Variants in CALD1 observed in about 807,000 individuals in gnomAD.
CALD1 encodes caldesmon 1.
Under a neutral mutation model 99.9 loss-of-function variants are expected in CALD1, and 33 were observed. That is an observed-to-expected ratio of 0.33 (90% CI 0.25 to 0.44). CALD1 has a LOEUF of 0.44. CALD1 is among the 20% of genes least tolerant of loss of function. CALD1 has a pLI of 1.00. For synonymous variants in CALD1, 310 were observed against 325.0 expected, an observed-to-expected ratio of 0.95 and a Z score of 0.50; for missense variants, 861 against 962.1, an observed-to-expected ratio of 0.89 and a Z score of 1.39.
upstream of CALD1, among the ~76,000 whole-genome samples, chr7:134,774,876 AT>A (rs1012401466): frequency 6.6e-6 from 1 of 152,092 alleles, no homozygotes; most frequent in East Asian, 1.9e-4. Context: ...TTTATTTATG[AT>A]TTTTTTATTG....
At position 134,935,760 on chromosome 7, in the gene CALD1, G is replaced by C. The variant is rs1338705869; in HGVS notation, c.1381G>C (p.Glu461Gln). 3.8e-6 allele frequency: 6 copies of C among 1,590,502 alleles called. No homozygotes were observed. The South Asian group carries it at 7.0e-5, about 18-fold the overall frequency. ...LQEDKPTFKK[E>Q]EIKDEKIKKD... ...AGAAGACAAGCCTACCTTCAAAAAA[G>C]AAGAGGTAAATATGATTGAAAAGTA... Residue 461 changes from glutamate to glutamine, a missense_variant, in exon 6 of 15, where the codon GAA (glutamate) becomes CAA (glutamine). Transcript: ENST00000361675.
chr7:134,753,321 C>T (rs1385079273), intron 1 of CALD1, among the ~76,000 whole-genome samples: 2 of 152,114 alleles, frequency 1.3e-5, no homozygotes, highest in Non-Finnish European at 2.9e-5. Context: ...GGTGTATCAT[C>T]TCATCTGCTA....
At chr7:134,781,784 C>T (rs1477585417) in intron 1 of CALD1, among the ~76,000 whole-genome samples, 1 of 152,154 alleles carries the variant, frequency 6.6e-6, no homozygotes, top group Non-Finnish European at 1.5e-5. Context: ...TCATTCCAGT[C>T]AAAAGATTGC....
At chr7:134,741,452 G>A (rs932374728), upstream of CALD1, among the ~76,000 whole-genome samples, 2 of 152,096 alleles carry the variant, frequency 1.3e-5, no homozygotes, top group African/African-American at 4.8e-5. Context: ...TGAGATTTGG[G>A]TGGGGACACA....
At chr7:134,868,033 G>T in intron 3 of CALD1, 1 of 322,550 alleles carries the variant, frequency 3.1e-6, no homozygotes. Context: ...ATTGATAACT[G>T]CATATTGATA....
the CALD1 span, among the ~76,000 whole-genome samples, chr7:134,737,478 C>G: frequency 6.6e-6 from 1 of 152,042 alleles, no homozygotes; most frequent in African/African-American, 2.4e-5. Context: ...TCTACACTTT[C>G]TATTTAGTTC....
intron 1 of CALD1, among the ~76,000 whole-genome samples, chr7:134,780,522 G>C (rs368127468): frequency 1.5e-4 from 23 of 152,230 alleles, no homozygotes; most frequent in African/African-American, 5.5e-4. Flanking sequence ...AGTGTGTCTA[G>C]AGAATCTAAA....
At chr7:134,738,987 G>A in the CALD1 span, among the ~76,000 whole-genome samples, 2 of 152,128 alleles carry the variant, frequency 1.3e-5, no homozygotes, top group Non-Finnish European at 2.9e-5. Flanking sequence ...ATTTATTTTA[G>A]GATTCGTTGT....
chr7:134,778,121 T>C (rs1490843552), upstream of CALD1, among the ~76,000 whole-genome samples: 1 of 152,216 alleles, frequency 6.6e-6, no homozygotes, highest in Admixed American at 6.5e-5. Context: ...GCCTCAGCTA[T>C]AGTTTTTTGG....
At chr7:134,859,793 A>G (rs1800483315) in intron 2 of CALD1, among the ~76,000 whole-genome samples, 1 of 152,234 alleles carries the variant, frequency 6.6e-6, no homozygotes, top group Non-Finnish European at 1.5e-5. Context: ...GATGCAACCT[A>G]AAGTCCCTAA....
intron 1 of CALD1, among the ~76,000 whole-genome samples, chr7:134,833,030 C>T (rs1174905939): frequency 6.6e-6 from 1 of 152,210 alleles, no homozygotes; most frequent in East Asian, 1.9e-4. Flanking sequence ...ACGTGTTTTA[C>T]ACTTATCAGC....
Position 134,783,142 on chromosome 7 carries a change from G to A in CALD1, c.-130+3393G>A, listed in dbSNP as rs530235414. 3.3e-5 allele frequency among the ~76,000 whole-genome samples: 5 copies of A among 152,308 alleles called. No individual in the cohort carries two copies. The South Asian group carries it at 8.3e-4, about 25-fold the overall frequency. On this transcript the variant is annotated intron_variant, in intron 1 of 14. Transcript: ENST00000361675. This position sits in a 1 kb window ranked among gnomAD's most constrained non-coding sequence, Gnocchi z 4.3. ...ACGTCATGCCTGGGCCTTGTAGGAA[G>A]GGCAAGGAAGGCAGGAACACCTGGC...
At chr7:134,802,880 A>T (rs555319144) in intron 1 of CALD1, among the ~76,000 whole-genome samples, 1 of 152,226 alleles carries the variant, frequency 6.6e-6, no homozygotes, top group South Asian at 2.1e-4. Context: ...TGTGTGTGTA[A>T]ACACAAGTTT....
chr7:134,908,941 G>A (rs192854332), intron 3 of CALD1, among the ~76,000 whole-genome samples: 6 of 152,138 alleles, frequency 3.9e-5, no homozygotes, highest in African/African-American at 1.4e-4. Flanking sequence ...TAGACACATG[G>A]GTATTGTTTA....
chr7:134,859,380 G>A (rs2132270615), intron 2 of CALD1, among the ~76,000 whole-genome samples: 1 of 152,278 alleles, frequency 6.6e-6, no homozygotes, highest in East Asian at 1.9e-4. Flanking sequence ...TTACGCTTGT[G>A]TCATTTGTTC....
At chr7:134,909,631 C>T (rs763800312) in intron 3 of CALD1, among the ~76,000 whole-genome samples, 4 of 152,044 alleles carry the variant, frequency 2.6e-5, no homozygotes, top group Non-Finnish European at 5.9e-5. Context: ...TGCAGTGAGC[C>T]AAGATCACGC....
chr7:134,726,495 C>T, the CALD1 span, among the ~76,000 whole-genome samples: 2 of 130,046 alleles, frequency 1.5e-5, no homozygotes, highest in Admixed American at 7.6e-5. Flanking sequence ...TATTATATAG[C>T]TTTAGATATA....
chr7:134,884,032 G>C, intron 3 of CALD1, among the ~76,000 whole-genome samples: 1 of 152,008 alleles, frequency 6.6e-6, no homozygotes, highest in East Asian at 1.9e-4. Flanking sequence ...AACCTAGGAA[G>C]CGGAGGTTGC....
chr7:134,815,026 C>T (rs949795302), intron 1 of CALD1, among the ~76,000 whole-genome samples: 5 of 152,172 alleles, frequency 3.3e-5, no homozygotes, highest in African/African-American at 1.2e-4. Context: ...GCTTCCTACC[C>T]TTTATTCTCA....
Sources: allele counts gnomAD v4.1 joint callset (sites outside exome capture counted in the v4.1 genomes callset), GRCh38; gene constraint gnomAD v4.1.1; non-coding constraint Gnocchi (gnomAD v3.1); transcripts MANE v1.5; gene names NCBI Gene and HGNC (gene_info 2026-07-23, HGNC 2026-07-21).